CFAP61: variants seen among roughly 807,000 people sequenced by gnomAD.
The protein encoded by CFAP61 is cilia- and flagella-associated protein 61.
Under a neutral mutation model 135.6 loss-of-function variants are expected in CFAP61, and 107 were observed. That is an observed-to-expected ratio of 0.79 (90% confidence interval 0.67 to 0.93). The LOEUF is 0.93. Ranked by LOEUF, CFAP61 falls within the 40% of genes least tolerant of loss-of-function variation. The probability of loss-of-function intolerance (pLI) is 0.00; values close to 1 mark genes in which losing one functional copy is unlikely to be tolerated. For synonymous variants in CFAP61, 575 were observed against 578.5 expected (o/e 0.99, Z 0.09); for missense variants, 1,507 against 1,556.2 (o/e 0.97, Z 0.53).
chr20:20,194,513 G>T (rs1417749408), intron 15 of CFAP61, among the ~76,000 whole-genome samples: 1 of 152,126 alleles, frequency 6.6e-6, no homozygotes, highest in African/African-American at 2.4e-5. Flanking sequence ...TGTCTTCTCT[G>T]CAGTAAGTTG....
In CFAP61 at chr20:20,152,980, A is replaced by G. The variant is rs529345897; in HGVS notation, c.952-6390A>G. 8.5e-5 allele frequency among the ~76,000 whole-genome samples: 13 copies of G among 152,310 alleles called. No homozygotes were observed. The South Asian group carries it at 2.7e-3, about 32-fold the overall frequency. ...TATGCCATATGATGGGCCACAAAACAAGTCTCAATAAACTTAAGAAAATTG... is the reference window on the plus strand; with the variant it reads ...TATGCCATATGATGGGCCACAAAACGAGTCTCAATAAACTTAAGAAAATTG... On this transcript the variant is annotated intron_variant, in intron 9 of 26. Coordinates refer to ENST00000245957, the MANE Select transcript of CFAP61 (RefSeq NM_015585.4).
At chr20:20,293,940 G>C (rs1296681929) in intron 24 of CFAP61, among the ~76,000 whole-genome samples, 1 of 152,052 alleles carries the variant, frequency 6.6e-6, no homozygotes, top group Non-Finnish European at 1.5e-5. Flanking sequence ...CATTTGGCAT[G>C]AATTCCAGAA....
chr20:20,271,117 C>T (rs561152089), intron 21 of CFAP61, among the ~76,000 whole-genome samples: 1 of 152,064 alleles, frequency 6.6e-6, no homozygotes, highest in Admixed American at 6.5e-5. Context: ...CATAGCAAGA[C>T]CCCATCTCTA....
chr20:20,079,234 C>T (rs1293561317), intron 6 of CFAP61, among the ~76,000 whole-genome samples: 1 of 152,132 alleles, frequency 6.6e-6, no homozygotes, highest in Non-Finnish European at 1.5e-5. Flanking sequence ...ACCTAGTCCT[C>T]AGTTTTCTCT....
chr20:20,248,172 CCT>C (rs2050614411), intron 19 of CFAP61, among the ~76,000 whole-genome samples: 1 of 152,190 alleles, frequency 6.6e-6, no homozygotes, highest in African/African-American at 2.4e-5. Context: ...CTGCAAAACT[CCT>C]CTCAAGCAAG....
rs77766008 is a variant in CFAP61, at chr20:20,209,723, T to G, written c.1932+9821T>G. Among the ~76,000 whole-genome samples, 1,082 of 152,322 alleles carry G rather than the reference T, an allele frequency of 7.1e-3. 16 individuals carry two copies. The highest frequency in any genetic ancestry group is 0.025 in the African/African-American group (1,033 of 41,564). ...ACATTGAGTCCATTTGGGAGATTTC[T>G]TCTTTCATGTTTTTAGGCAGGTAGG... On this transcript the variant is annotated intron_variant, in intron 17 of 26. Coordinates refer to ENST00000245957, the MANE Select transcript of CFAP61 (RefSeq NM_015585.4).
intron 25 of CFAP61, among the ~76,000 whole-genome samples, chr20:20,335,855 A>G (rs2058168450): frequency 6.6e-6 from 1 of 152,250 alleles, no homozygotes; most frequent in African/African-American, 2.4e-5. Context: ...GGGAAAAAGC[A>G]TAAGGAAATA....
At chr20:20,238,957 C>CTT (rs796252941) in intron 18 of CFAP61, among the ~76,000 whole-genome samples, 3 of 145,984 alleles carry the variant, frequency 2.1e-5, no homozygotes, top group East Asian at 2.0e-4. Context: ...TAACTTGAAA[C>CTT]TTTTTTTTTT....
intron 24 of CFAP61, among the ~76,000 whole-genome samples, chr20:20,296,444 T>G (rs1158265893): frequency 7.4e-6 from 1 of 134,840 alleles, no homozygotes; most frequent in Non-Finnish European, 1.6e-5. Flanking sequence ...CCTCCTTCCT[T>G]CCCTCCTTCC....
At chr20:20,162,939 G>T (rs1164591153) in intron 10 of CFAP61, among the ~76,000 whole-genome samples, 1 of 152,214 alleles carries the variant, frequency 6.6e-6, no homozygotes, top group Non-Finnish European at 1.5e-5. Context: ...GGGATAAGAT[G>T]TGGGGAAGAG....
chr20:20,282,757 G>A (rs926739739), intron 22 of CFAP61, among the ~76,000 whole-genome samples: 4 of 152,106 alleles, frequency 2.6e-5, no homozygotes, highest in African/African-American at 7.2e-5. Flanking sequence ...TGCCCAACAT[G>A]GTGAAACCCT....
At chr20:20,326,545 T>C (rs1043302965) in intron 25 of CFAP61, among the ~76,000 whole-genome samples, 2 of 152,188 alleles carry the variant, frequency 1.3e-5, no homozygotes, top group African/African-American at 4.8e-5. Flanking sequence ...AAGAATTTAA[T>C]TTTACTGTTT....
Position 20,164,091 on chromosome 20 carries a change from G to A in CFAP61, c.1068G>A (p.Gln356=). The change falls in exon 11 of 27, where the codon CAG becomes CAA. Residue 356 remains glutamine, a synonymous_variant. Coordinates refer to ENST00000245957, the MANE Select transcript of CFAP61 (RefSeq NM_015585.4). The part of the protein sequence containing the change: ...KLSDISTGYA[Q]YHHVSSRSLA... ...GTGACATCTCCACTGGATATGCACA[G>A]TATCACCATGTCAGCAGTAGGAGCT... is the stretch of plus-strand genomic sequence containing the variant. 2 of 1,613,976 alleles carry A rather than the reference G, an allele frequency of 1.2e-6. No homozygotes were observed. The highest frequency in any genetic ancestry group is 1.7e-6 in the Non-Finnish European group (2 of 1,179,952).
chr20:20,151,910 T>C (rs2052467639), intron 9 of CFAP61, among the ~76,000 whole-genome samples: 1 of 148,324 alleles, frequency 6.7e-6, no homozygotes, highest in Non-Finnish European at 1.5e-5. Flanking sequence ...CACATAGTCA[T>C]CAGGTTATCT....
intron 15 of CFAP61, among the ~76,000 whole-genome samples, chr20:20,196,141 G>A (rs1217758712): frequency 6.6e-6 from 1 of 152,182 alleles, no homozygotes; most frequent in Non-Finnish European, 1.5e-5. Context: ...ACTAACAGGT[G>A]AATAGTAATG....
At chr20:20,096,704 A>C (rs1165847187) in intron 7 of CFAP61, among the ~76,000 whole-genome samples, 1 of 152,184 alleles carries the variant, frequency 6.6e-6, no homozygotes, top group Non-Finnish European at 1.5e-5. Context: ...TGGTAGATGG[A>C]TTGGTTAATC....
intron 25 of CFAP61, among the ~76,000 whole-genome samples, chr20:20,311,883 T>G (rs1159268253): frequency 6.6e-6 from 1 of 152,076 alleles, no homozygotes; most frequent in Non-Finnish European, 1.5e-5. Flanking sequence ...CAGCCAGACT[T>G]GAGAACTTTA....
chr20:20,223,168 A>G (rs533535131), intron 17 of CFAP61, among the ~76,000 whole-genome samples: 15 of 152,194 alleles, frequency 9.9e-5, no homozygotes, highest in East Asian at 5.8e-4. Flanking sequence ...AGGATCTGCA[A>G]TTTTACCTTG....
chr20:20,328,030 C>T lies in CFAP61; in HGVS notation c.3423-13801C>T, dbSNP rs904646738. On this transcript the variant is annotated intron_variant, in intron 25 of 26. Transcript: ENST00000245957. ...TCTCCAGTCAGAATCCATGCGGAAG[C>T]GCCAGCTGTGGTTGTGCAGGCTGGT... Among the ~76,000 whole-genome samples, 3 of 152,150 alleles carry T rather than the reference C, an allele frequency of 2.0e-5. No homozygotes were observed. The South Asian group carries it at 6.2e-4, about 32-fold the overall frequency.
Sources: gnomAD v4.1 joint callset for allele counts (sites outside exome capture counted in the v4.1 genomes callset) on GRCh38, gnomAD v4.1.1 for gene constraint, MANE v1.5 for transcripts, NCBI Gene and HGNC (gene_info 2026-07-23, HGNC 2026-07-21) for gene names.